The following DTHD1 variants were observed in gnomAD, a reference collection of about 807,000 sequenced individuals.
DTHD1 encodes the protein death domain containing 1.
DTHD1 carries 59 observed loss-of-function variants against 74.8 expected under a neutral mutation model. The ratio of observed to expected loss-of-function variants is 0.79; its 90% CI spans 0.64 to 0.98. DTHD1 has a LOEUF of 0.98. DTHD1 is among the 50% of genes least tolerant of loss of function. The pLI is 0.00. For missense variants in DTHD1, 1,051 were observed against 1,065.4 expected, an observed-to-expected ratio of 0.99 and a Z score of 0.19; for synonymous variants, 365 against 371.1, an observed-to-expected ratio of 0.98 and a Z score of 0.19.
At chr4:36,325,904 C>G (rs1188466325) in intron 8 of DTHD1, among the ~76,000 whole-genome samples, 1 of 152,256 alleles carries the variant, frequency 6.6e-6, no homozygotes, top group East Asian at 1.9e-4. Context: ...GGCTGCCTTC[C>G]TCACAATTGA....
chr4:36,283,309 C>T (rs151014692), intron 1 of DTHD1, among the ~76,000 whole-genome samples: 28 of 152,238 alleles, frequency 1.8e-4, no homozygotes, highest in African/African-American at 6.3e-4. Flanking sequence ...AGAAGGTTGA[C>T]CTGAGTTAGT....
At chr4:36,297,506 C>T (rs11724949) in intron 5 of DTHD1, among the ~76,000 whole-genome samples, 27,391 of 151,996 alleles carry the variant, frequency 0.18, 2,984 homozygotes, top group Non-Finnish European at 0.24. Flanking sequence ...CCCTTTTCCC[C>T]CAAGCCGAAG....
At chr4:36,337,407 G>A (rs944419405) in intron 8 of DTHD1, among the ~76,000 whole-genome samples, 2 of 152,158 alleles carry the variant, frequency 1.3e-5, no homozygotes, top group African/African-American at 4.8e-5. Context: ...ATCAAAATGC[G>A]ATGAGACATC....
At chr4:36,306,535 A>G (rs770479261) in intron 6 of DTHD1, among the ~76,000 whole-genome samples, 183 bp downstream of exon 6, 2 of 152,232 alleles carry the variant, frequency 1.3e-5, no homozygotes, top group Non-Finnish European at 2.9e-5. Flanking sequence ...AATTTCATTT[A>G]TGATAGTTAA....
At chr4:36,334,310 T>C (rs1189469237) in intron 8 of DTHD1, among the ~76,000 whole-genome samples, 1 of 152,054 alleles carries the variant, frequency 6.6e-6, no homozygotes, top group African/African-American at 2.4e-5. Context: ...AGGTTCATTG[T>C]CAGGAACACT....
Position 36,284,289 on chromosome 4 carries a change from A to T in DTHD1, c.585A>T (p.Thr195=), listed in dbSNP as rs778563489. The change falls in exon 2 of 10, where the codon ACA becomes ACT. Residue 195 remains threonine, a synonymous_variant. Coordinates refer to ENST00000639862, the MANE Select transcript of DTHD1 (RefSeq NM_001170700.3). ...CATTAGTGGAAAAAGAAAACAATAC[A>T]TCACTGAATGGACGTGTACTGGGGC... The part of the protein sequence containing the change: ...SSALVEKENN[T]SLNGRVLGQE... 2 of 1,537,096 alleles carry T rather than the reference A, an allele frequency of 1.3e-6. No individual in the cohort carries two copies. Among genetic ancestry groups the T allele is most frequent in the Admixed American group, 3.9e-5 (2 of 50,984 alleles).
At chr4:36,327,656 A>C (rs1164649169) in intron 8 of DTHD1, among the ~76,000 whole-genome samples, 3 of 152,232 alleles carry the variant, frequency 2.0e-5, no homozygotes, top group Non-Finnish European at 4.4e-5. Flanking sequence ...TGGCAACCTC[A>C]TGTGGTGCAC....
chr4:36,316,562 C>T, intron 8 of DTHD1, 76 bp downstream of exon 8: 2 of 1,360,174 alleles, frequency 1.5e-6, no homozygotes, highest in Non-Finnish European at 9.9e-7. Flanking sequence ...GTTTTTCAGT[C>T]ATAGAGACAC....
intron 7 of DTHD1, among the ~76,000 whole-genome samples, chr4:36,314,747 G>GTTTT (rs747523259): frequency 5.0e-4 from 49 of 97,980 alleles, no homozygotes; most frequent in South Asian, 1.1e-3. Flanking sequence ...AACAATCTGA[G>GTTTT]TTTTTTTTTT....
intron 9 of DTHD1, among the ~76,000 whole-genome samples, chr4:36,342,849 G>A (rs1759393204): frequency 6.8e-6 from 1 of 146,654 alleles, no homozygotes; most frequent in Non-Finnish European, 1.5e-5. Context: ...GCCGAGGTGG[G>A]CAGATCACGA....
At chr4:36,309,274 C>T (rs1318602953) in intron 7 of DTHD1, among the ~76,000 whole-genome samples, 2 of 152,036 alleles carry the variant, frequency 1.3e-5, no homozygotes, top group Non-Finnish European at 2.9e-5. Context: ...CGTCTCTATT[C>T]AAAATACACA....
Position 36,343,571 on chromosome 4 carries a change from C to T in DTHD1, c.2468C>T (p.Ser823Phe). The change falls in exon 10 of 10, where the codon TCC becomes TTC. Residue 823 changes from serine (S) to phenylalanine (F), a missense_variant. Coordinates refer to ENST00000639862, the MANE Select transcript of DTHD1 (RefSeq NM_001170700.3). Reference sequence around the variant, plus strand: ...TCAGAAGAAAATGCTGAGTCTCTTTCCTCAACTCTCCCTCTGCGCCGTAGC... The same window carrying T: ...TCAGAAGAAAATGCTGAGTCTCTTTTCTCAACTCTCCCTCTGCGCCGTAGC... ...ELSEENAESL[S>F]STLPLRRSTI... 6.4e-7 allele frequency: 1 copy of T among 1,551,596 alleles called. No individual in the cohort carries two copies. The highest frequency in any genetic ancestry group is 8.7e-7 in the Non-Finnish European group (1 of 1,146,914).
At chr4:36,299,492 A>G (rs1578447689) in intron 5 of DTHD1, among the ~76,000 whole-genome samples, 1 of 152,186 alleles carries the variant, frequency 6.6e-6, no homozygotes, top group Non-Finnish European at 1.5e-5. Context: ...TGATCTGTCT[A>G]GATACAAATT....
At position 36,281,888 on chromosome 4, in the gene DTHD1, A is replaced by G. The variant is rs1288896585; in HGVS notation, c.130A>G (p.Met44Val). 24 of 1,279,382 alleles carry G rather than the reference A, an allele frequency of 1.9e-5. No individual in the cohort carries two copies. Among genetic ancestry groups the G allele is most frequent in the Non-Finnish European group, 2.3e-5 (23 of 1,009,204 alleles). 79.3% of individuals were successfully genotyped at this position (1,279,382 alleles called of 1,614,324 possible). Residue 44 changes from methionine to valine, a missense_variant, in exon 1 of 10, where the codon ATG (methionine) becomes GTG (valine). Physicochemically the swap from Met to Val is conservative, Grantham distance 21. Coordinates refer to ENST00000639862, the MANE Select transcript of DTHD1 (RefSeq NM_001170700.3). ...LCEGAGGATWMATVVFLGQEL... is the reference protein window; with the variant it reads ...LCEGAGGATWVATVVFLGQEL... ...TGAGGGGGCTGGTGGGGCCACTTGG[A>G]TGGCCACTGTGGTCTTTCTGGGTCA...
intron 9 of DTHD1, among the ~76,000 whole-genome samples, chr4:36,343,120 G>A (rs1373868256): frequency 6.7e-6 from 1 of 149,572 alleles, no homozygotes; most frequent in Non-Finnish European, 1.5e-5. Flanking sequence ...GCTACTCAAA[G>A]CATGGTTGCG....
At chr4:36,297,207 T>C (rs1197384340) in intron 5 of DTHD1, among the ~76,000 whole-genome samples, 1 of 152,166 alleles carries the variant, frequency 6.6e-6, no homozygotes, top group Non-Finnish European at 1.5e-5. Flanking sequence ...AGAAAATCTG[T>C]GCACAAGCAC....
intron 5 of DTHD1, among the ~76,000 whole-genome samples, chr4:36,301,187 C>T (rs1429623780): frequency 6.6e-6 from 1 of 152,108 alleles, no homozygotes; most frequent in African/African-American, 2.4e-5. Context: ...AAAATGCAGG[C>T]TGGAAGGTAT....
In DTHD1 at chr4:36,316,444, T is replaced by C; in HGVS notation, c.2298T>C (p.His766=). Residue 766 remains histidine, a synonymous_variant, in exon 8 of 10, where the codon CAT becomes CAC. Coordinates refer to ENST00000639862, the MANE Select transcript of DTHD1 (RefSeq NM_001170700.3). ...LNQSLVINEN[H]SQLPICKLPL... is the part of the protein sequence containing the mutation. ...AATCTCTCGTAATTAATGAAAACCA[T>C]TCTCAGTTGCCAATTTGCAAATTAC... is the stretch of plus-strand genomic sequence containing the variant. 1 of 1,550,950 alleles carries C rather than the reference T, an allele frequency of 6.4e-7. No homozygotes were observed. Among genetic ancestry groups the C allele is most frequent in the Admixed American group, 2.0e-5 (1 of 50,864 alleles).
intron 5 of DTHD1, among the ~76,000 whole-genome samples, chr4:36,303,007 T>C (rs1439917674): frequency 2.0e-5 from 3 of 152,320 alleles, no homozygotes; most frequent in East Asian, 1.9e-4. Context: ...TCATATATTA[T>C]TTTTTTCCAC....
Sources: allele counts gnomAD v4.1 joint callset (sites outside exome capture counted in the v4.1 genomes callset), GRCh38; gene constraint gnomAD v4.1.1; transcripts MANE v1.5; gene names NCBI Gene and HGNC (gene_info 2026-07-23, HGNC 2026-07-21).